The following DLC1 variants were observed in gnomAD, a reference collection of about 807,000 sequenced individuals.
The protein encoded by DLC1 is DLC1 Rho GTPase activating protein.
In DLC1, 54 loss-of-function variants were observed where a neutral mutation model predicts 140.3. The observed-to-expected ratio is 0.38, with a 90% CI of 0.31 to 0.48. DLC1 has a LOEUF of 0.48. DLC1 is among the 20% of genes least tolerant of loss of function. The pLI is 0.96. For missense variants in DLC1, 2,536 were observed against 1,907.0 expected, an observed-to-expected ratio of 1.33 and a Z score of -6.14; for synonymous variants, 986 against 728.1, an observed-to-expected ratio of 1.35 and a Z score of -5.70.
At chr8:13,238,632 C>T (rs1172391181) in intron 5 of DLC1, among the ~76,000 whole-genome samples, 2 of 152,102 alleles carry the variant, frequency 1.3e-5, no homozygotes, top group African/African-American at 4.8e-5. Flanking sequence ...CTTCCTTAAT[C>T]AGCTCCCCTC....
intron 5 of DLC1, among the ~76,000 whole-genome samples, chr8:13,200,153 C>T (rs1827300124): frequency 6.6e-6 from 1 of 152,104 alleles, no homozygotes; most frequent in Admixed American, 6.6e-5. Flanking sequence ...AGCGATTCTC[C>T]TGCCTCTGCC....
chr8:13,342,177 T>C (rs184590324), intron 4 of DLC1: 14 of 152,322 alleles, frequency 9.2e-5, no homozygotes, highest in African/African-American at 2.9e-4. Context: ...GTGTAATAAA[T>C]ATGAACTACA....
At chr8:13,311,932 C>A (rs1446315309) in intron 4 of DLC1, among the ~76,000 whole-genome samples, 1 of 152,146 alleles carries the variant, frequency 6.6e-6, no homozygotes, top group African/African-American at 2.4e-5. Context: ...ACAAATCCTG[C>A]AGAATATTTT....
intron 1 of DLC1, among the ~76,000 whole-genome samples, chr8:13,542,712 G>A (rs1438532920): frequency 6.6e-6 from 1 of 151,904 alleles, no homozygotes; most frequent in Non-Finnish European, 1.5e-5. Flanking sequence ...CATAATTTTT[G>A]TTAAATTTAT....
intron 5 of DLC1, among the ~76,000 whole-genome samples, chr8:13,304,353 A>G (rs993187391): frequency 6.6e-6 from 1 of 152,208 alleles, no homozygotes; most frequent in African/African-American, 2.4e-5. Context: ...TATTAAAGTG[A>G]AGAAACGAGA....
intron 1 of DLC1, among the ~76,000 whole-genome samples, chr8:13,599,891 C>A (rs542587457): frequency 1.4e-4 from 21 of 151,862 alleles, no homozygotes; most frequent in Non-Finnish European, 2.7e-4. Flanking sequence ...GGAAAAAAAT[C>A]TCAAACTTAC....
intron 3 of DLC1, among the ~76,000 whole-genome samples, chr8:13,399,405 C>T (rs186139010): frequency 6.6e-6 from 1 of 152,256 alleles, no homozygotes; most frequent in African/African-American, 2.4e-5. Context: ...CACCACTCTC[C>T]GTCAGTGTGA....
intron 4 of DLC1, among the ~76,000 whole-genome samples, chr8:13,388,333 C>A (rs577020280): frequency 1.3e-5 from 2 of 151,974 alleles, no homozygotes; most frequent in Non-Finnish European, 2.9e-5. Context: ...AACCTTTGTT[C>A]TTCTACCTTA....
chr8:13,134,419 C>G (rs1822398453), intron 5 of DLC1, among the ~76,000 whole-genome samples: 1 of 152,110 alleles, frequency 6.6e-6, no homozygotes, highest in African/African-American at 2.4e-5. Context: ...CTGGAGGTTA[C>G]TTTCTCGTGG....
intron 2 of DLC1, among the ~76,000 whole-genome samples, chr8:13,475,098 C>T (rs1245156377): frequency 7.2e-6 from 1 of 139,610 alleles, no homozygotes; most frequent in African/African-American, 2.7e-5. Context: ...CAGCTGTGAG[C>T]CACTGCATCC....
intron 1 of DLC1, among the ~76,000 whole-genome samples, chr8:13,527,129 C>G (rs776739919): frequency 3.9e-5 from 6 of 152,166 alleles, no homozygotes; most frequent in Non-Finnish European, 8.8e-5. Context: ...AGCTACTGAT[C>G]GATTGAGTGA....
intron 2 of DLC1, among the ~76,000 whole-genome samples, chr8:13,419,354 T>A (rs914897381): frequency 2.0e-5 from 3 of 152,166 alleles, no homozygotes; most frequent in Non-Finnish European, 4.4e-5. Flanking sequence ...TGTGGGTTTG[T>A]CATAGATAGC....
intron 5 of DLC1, among the ~76,000 whole-genome samples, chr8:13,146,776 A>G (rs1823468888): frequency 6.6e-6 from 1 of 152,226 alleles, no homozygotes; most frequent in Admixed American, 6.5e-5. Context: ...TATTCTTCAC[A>G]GAAAGTCACA....
intron 1 of DLC1, among the ~76,000 whole-genome samples, chr8:13,529,542 A>G (rs963929349): frequency 2.0e-5 from 3 of 152,192 alleles, no homozygotes; most frequent in African/African-American, 7.2e-5. Flanking sequence ...TCTATTCAAC[A>G]TGACTCATAT....
At chr8:13,188,562 T>C (rs1283898146) in intron 5 of DLC1, among the ~76,000 whole-genome samples, 1 of 149,284 alleles carries the variant, frequency 6.7e-6, no homozygotes, top group Admixed American at 6.7e-5. Flanking sequence ...AGGAAGTTTA[T>C]TATTTTTCAT....
intron 10 of DLC1, 85 bp from the exon 11 acceptor site, chr8:13,095,330 T>A: frequency 1.3e-6 from 2 of 1,547,856 alleles, no homozygotes; most frequent in Admixed American, 1.7e-5. Context: ...AGGCAAACCC[T>A]GTGGGCTCCA....
At chr8:13,440,618 T>C (rs1458553164) in intron 2 of DLC1, among the ~76,000 whole-genome samples, 5 of 152,122 alleles carry the variant, frequency 3.3e-5, no homozygotes, top group East Asian at 1.9e-4. Context: ...GTAGTTGATA[T>C]GGTTTGGCTG....
At chr8:13,103,625 A>C (rs1024904504) in intron 7 of DLC1, among the ~76,000 whole-genome samples, 2 of 151,864 alleles carry the variant, frequency 1.3e-5, no homozygotes, top group Non-Finnish European at 2.9e-5. Flanking sequence ...GATCACCTGA[A>C]GTCAGGAGTT....
In DLC1 at chr8:13,085,828, C is replaced by G; in HGVS notation, c.4570G>C (p.Asp1524His). Reference protein sequence around the residue: ...SFSNQNTETKDTKSR With the variant: ...SFSNQNTETKHTKSR ...TTCAGTGATCACCTAGATTTGGTGT[C>G]TTTGGTTTCAGTGTTCTGGTTACTG... Residue 1524 changes from aspartate (D) to histidine (H), a missense_variant, in exon 18 of 18, where the codon GAC becomes CAC. Physicochemically the swap from Asp to His is moderately conservative, Grantham distance 81. Coordinates refer to ENST00000276297, the MANE Select transcript of DLC1 (RefSeq NM_182643.3). The G allele has an allele frequency of 6.2e-7, 1 of 1,614,132 alleles. No individual in the cohort carries two copies. The highest frequency in any genetic ancestry group is 8.5e-7 in the Non-Finnish European group (1 of 1,180,016).
Sources: allele counts gnomAD v4.1 joint callset (sites outside exome capture counted in the v4.1 genomes callset), GRCh38; gene constraint gnomAD v4.1.1; transcripts MANE v1.5; gene names NCBI Gene and HGNC (gene_info 2026-07-23, HGNC 2026-07-21).